SLC9A8: variants seen among roughly 807,000 people sequenced by gnomAD.
SLC9A8 encodes solute carrier family 9 member A8.
Under a neutral mutation model 66.6 loss-of-function variants are expected in SLC9A8, and 48 were observed. The ratio of observed to expected loss-of-function variants is 0.72; its 90% confidence interval spans 0.57 to 0.92. The LOEUF (loss-of-function observed/expected upper bound fraction) is 0.92, where lower values mean the gene tolerates loss of function less well. SLC9A8 is among the 40% of genes least tolerant of loss of function. The pLI, the probability that SLC9A8 is intolerant of heterozygous loss-of-function variation, is 0.00. For synonymous variants in SLC9A8, 274 were observed against 282.6 expected (o/e 0.97, Z 0.31); for missense variants, 599 against 747.3 (o/e 0.80, Z 2.31).
chr20:49,882,441 T>C (rs544197082), intron 13 of SLC9A8, among the ~76,000 whole-genome samples: 10 of 152,164 alleles, frequency 6.6e-5, no homozygotes, highest in Non-Finnish European at 1.5e-4. Flanking sequence ...TCCTTTGACG[T>C]CTCCTTGGGC....
At position 49,886,643 on chromosome 20, in the gene SLC9A8, GGA is replaced by G; in HGVS notation, c.1492-107_1492-106del. ...CGTCACCCTGCATTGATGGTCAAGT[GGA>G]GTTAGGGTTGGGGACACTGGCGGCC... On this transcript the variant is annotated intron_variant, in intron 14 of 15. Transcript: ENST00000361573. This position sits in a 1 kb window ranked among gnomAD's most constrained non-coding sequence, Gnocchi z 4.8. The G allele has an allele frequency of 7.7e-7, 1 of 1,291,746 alleles. No individual in the cohort carries two copies. Among genetic ancestry groups the G allele is most frequent in the South Asian group, 1.4e-5 (1 of 69,614 alleles). 80.0% of individuals were successfully genotyped at this position (1,291,746 alleles called of 1,614,324 possible).
intron 12 of SLC9A8, among the ~76,000 whole-genome samples, chr20:49,878,366 G>A (rs915687719): frequency 1.3e-5 from 2 of 151,906 alleles, no homozygotes; most frequent in East Asian, 3.8e-4. Flanking sequence ...TGTGTGAGGA[G>A]GTAAAAGCAG....
rs1270762735 is a variant in SLC9A8 at position 49,890,572 on chromosome 20, T to C, written c.*2636T>C. 2 of 152,150 alleles carry C rather than the reference T, an allele frequency of 1.3e-5. No individual in the cohort carries two copies. Among genetic ancestry groups the C allele is most frequent in the African/African-American group, 4.8e-5 (2 of 41,430 alleles). The allele number at this position is 152,150 out of a possible 1,614,324, so 9.4% of individuals were successfully genotyped here. A position where few individuals can be genotyped will look rare whatever the true frequency, so the allele number is the denominator to read the frequency against. On this transcript the variant is annotated 3_prime_UTR_variant, in exon 16 of 16. Coordinates refer to ENST00000361573, the MANE Select transcript of SLC9A8 (RefSeq NM_015266.3). The stretch of plus-strand genomic sequence containing the variant: ...GGCACTGCTGTGTGGAACGAGTTCT[T>C]GGAATGAATCCCATGCTTTCTGCAG...
chr20:49,851,885 A>C lies in SLC9A8; in HGVS notation c.569+1041A>C, dbSNP rs1351835512. ...GTAAAGGAAGGTATCACAGTATTCA[A>C]ACCTTCCACTTGTTTTGGGGGCAAC... On this transcript the variant is annotated intron_variant, in intron 7 of 15. Transcript: ENST00000361573. Among the ~76,000 whole-genome samples the C allele has an allele frequency of 4.6e-5, 7 of 152,226 alleles. No individual in the cohort carries two copies. In the East Asian group the frequency reaches 1.3e-3, roughly 29 times the overall value.
intron 10 of SLC9A8, 78 bp from the exon 11 acceptor site, chr20:49,874,627 C>T: frequency 1.1e-6 from 1 of 914,178 alleles, no homozygotes; most frequent in Non-Finnish European, 1.8e-6. Context: ...CTCTAGGCCC[C>T]AGGGCCTTGC....
In SLC9A8 at chr20:49,886,951, A is replaced by G. The variant is rs2089914145; in HGVS notation, c.1638+53A>G. On this transcript the variant is annotated intron_variant, in intron 15 of 15. Transcript: ENST00000361573. This position sits in a 1 kb window ranked among gnomAD's most constrained non-coding sequence, Gnocchi z 4.8. ...TGGGGGTCCCTTGCCTGCCTCCTTC[A>G]GGACCTGCGGTGGCCCAGGGTGGGG... 20 of 1,570,292 alleles carry G rather than the reference A, an allele frequency of 1.3e-5. No individual in the cohort carries two copies. The highest frequency in any genetic ancestry group is 1.6e-5 in the Non-Finnish European group (19 of 1,154,310).
At chr20:49,881,596 GTTC>G (rs1258112042) in intron 13 of SLC9A8, among the ~76,000 whole-genome samples, 3 of 152,080 alleles carry the variant, frequency 2.0e-5, no homozygotes, top group Non-Finnish European at 4.4e-5. Context: ...AATACATACT[GTTC>G]TTTATGCTTT....
intron 11 of SLC9A8, among the ~76,000 whole-genome samples, chr20:49,875,850 T>A (rs1026815927): frequency 6.6e-6 from 1 of 151,978 alleles, no homozygotes; most frequent in African/African-American, 2.4e-5. Flanking sequence ...TTCTCCTACC[T>A]CAGCCTCCGG....
chr20:49,867,153 T>C (rs879369716), intron 10 of SLC9A8, among the ~76,000 whole-genome samples: 45 of 152,356 alleles, frequency 3.0e-4, no homozygotes, highest in Middle Eastern at 3.4e-3. Context: ...TTGCTTGTTA[T>C]TAAGTTTTGA....
At chr20:49,833,441 T>TA (rs2087296922) in intron 3 of SLC9A8, among the ~76,000 whole-genome samples, 1 of 152,050 alleles carries the variant, frequency 6.6e-6, no homozygotes, top group Non-Finnish European at 1.5e-5. Flanking sequence ...GCAAGAAAAA[T>TA]AAAACATTTC....
intron 14 of SLC9A8, among the ~76,000 whole-genome samples, chr20:49,884,446 T>A (rs1364770898): frequency 2.0e-5 from 3 of 151,960 alleles, no homozygotes; most frequent in Non-Finnish European, 2.9e-5. Context: ...CCATGGGGGC[T>A]GTGGACGACC....
In SLC9A8 at chr20:49,880,156, T is replaced by C. The variant is rs115076568; in HGVS notation, c.1159-768T>C. On this transcript the variant is annotated intron_variant, in intron 12 of 15. Coordinates refer to ENST00000361573, the MANE Select transcript of SLC9A8 (RefSeq NM_015266.3). ...GTGCATACCTGTAGTTCTAGCTACT[T>C]GGGAGGTTAAGGTGGGAGGATCACT... 3.2e-3 allele frequency among the ~76,000 whole-genome samples: 481 copies of C among 149,720 alleles called. 2 individuals carry two copies. The highest frequency in any genetic ancestry group is 0.012 in the African/African-American group (469 of 40,440).
chr20:49,845,067 T>G lies in SLC9A8; in HGVS notation c.380T>G (p.Phe127Cys), dbSNP rs944346239. The G allele has an allele frequency of 1.2e-6, 2 of 1,613,400 alleles. No individual in the cohort carries two copies. Among genetic ancestry groups the G allele is most frequent in the African/African-American group, 1.3e-5 (1 of 74,924 alleles). The change falls in exon 5 of 16, where the codon TTC (phenylalanine) becomes TGC (cysteine). Residue 127 changes from phenylalanine to cysteine, a missense_variant. Phe to Cys is a radical substitution (Grantham distance 205, BLOSUM62 -2). Around this residue, in one of 2 missense-constraint regions of SLC9A8, gnomAD observed 467 missense variants for 626.5 expected, o/e 0.75. Coordinates refer to ENST00000361573, the MANE Select transcript of SLC9A8 (RefSeq NM_015266.3). ...EEEMFRPNMF[F>C]LLLLPPIIFE... is the part of the protein sequence containing the mutation. ...GAAATGTTTCGTCCAAACATGTTTT[T>G]CCTCCTCCTGCTTCCCCCTATTATC...
At chr20:49,878,755 C>CA (rs780645320) in intron 12 of SLC9A8, among the ~76,000 whole-genome samples, 1 of 152,176 alleles carries the variant, frequency 6.6e-6, no homozygotes, top group Non-Finnish European at 1.5e-5. Context: ...CGCGGTGGCT[C>CA]ACACCTGTAA....
intron 14 of SLC9A8, among the ~76,000 whole-genome samples, chr20:49,884,369 C>T (rs1403655714): frequency 3.4e-5 from 5 of 147,694 alleles, no homozygotes; most frequent in Admixed American, 1.4e-4. Flanking sequence ...AAGGAGGTGA[C>T]GGAACTTGAG....
At chr20:49,863,198 C>T (rs751882464) in intron 9 of SLC9A8, 131 bp downstream of exon 9, 6 of 794,880 alleles carry the variant, frequency 7.5e-6, no homozygotes, top group African/African-American at 7.1e-5. Flanking sequence ...GATTTTTTTG[C>T]TTAGTTTTTG....
rs1426080886 is a variant in SLC9A8 at position 49,815,203 on chromosome 20, C to G, written c.208+14C>G. The stretch of plus-strand genomic sequence containing the variant: ...TCCTTGTCCTAGGTGAATATGGACA[C>G]TGTCATCCCCATCATCTGCCATCCC... On this transcript the variant is annotated intron_variant, in intron 2 of 15. Coordinates refer to ENST00000361573, the MANE Select transcript of SLC9A8 (RefSeq NM_015266.3). The G allele has an allele frequency of 6.6e-7, 1 of 1,505,348 alleles. No individual in the cohort carries two copies. The highest frequency in any genetic ancestry group is 8.9e-7 in the Non-Finnish European group (1 of 1,122,004). The allele number at this position is 1,505,348 out of a possible 1,614,324, so 93.2% of individuals were successfully genotyped here.
intron 4 of SLC9A8, among the ~76,000 whole-genome samples, chr20:49,843,624 C>T (rs2087857789): frequency 6.6e-6 from 1 of 151,974 alleles, no homozygotes; most frequent in Non-Finnish European, 1.5e-5. Flanking sequence ...ATATATTTCC[C>T]CAAAATTCTA....
chr20:49,863,095 G>T, intron 9 of SLC9A8, 28 bp downstream of exon 9: 3 of 1,575,540 alleles, frequency 1.9e-6, no homozygotes, highest in Non-Finnish European at 2.6e-6. Context: ...TGAACATGCA[G>T]GGTTAAAATT....
Sources: allele counts gnomAD v4.1 joint callset (sites outside exome capture counted in the v4.1 genomes callset), GRCh38; gene constraint gnomAD v4.1.1; regional missense constraint gnomAD v4.1.1; non-coding constraint Gnocchi (gnomAD v3.1); transcripts MANE v1.5; gene names NCBI Gene and HGNC (gene_info 2026-07-23, HGNC 2026-07-21).